The following PHF8 variants were observed in gnomAD, a reference collection of about 807,000 sequenced individuals.
PHF8 encodes the protein PHD finger protein 8.
A neutral mutation model predicts 74.4 loss-of-function variants in PHF8; 9 were observed. That is an observed-to-expected ratio of 0.12 (90% CI 0.07 to 0.21). The LOEUF is 0.21. Among genes scored for constraint, PHF8 ranks in the 10% least tolerant of loss-of-function variants. The pLI, the probability that PHF8 is intolerant of heterozygous loss-of-function variation, is 1.00. For synonymous variants in PHF8, 311 were observed against 316.6 expected, an observed-to-expected ratio of 0.98 and a Z score of 0.19; for missense variants, 478 against 816.6, an observed-to-expected ratio of 0.59 and a Z score of 5.05.
chrX:54,028,484 T>C (rs923035519), intron 2 of PHF8, among the ~76,000 whole-genome samples: 1 of 111,025 alleles, frequency 9.0e-6, no homozygotes, highest in African/African-American at 3.3e-5. Flanking sequence ...TAGGTCCTCT[T>C]ACCTGGGCAC....
chrX:54,029,812 C>T (rs782476683), intron 2 of PHF8, among the ~76,000 whole-genome samples: 4 of 111,921 alleles, frequency 3.6e-5, no homozygotes, highest in African/African-American at 9.7e-5. Flanking sequence ...AAATCCCCAG[C>T]GCACACTCCA....
At chrX:53,965,249 C>CTA (rs1194771994) in intron 18 of PHF8, among the ~76,000 whole-genome samples, 1 of 111,971 alleles carries the variant, frequency 8.9e-6, no homozygotes, top group Non-Finnish European at 1.9e-5. Flanking sequence ...TAATAGGGAG[C>CTA]TAAAATGATC....
chrX:53,978,580 C>T (rs782202105), intron 18 of PHF8, among the ~76,000 whole-genome samples: 103 of 108,823 alleles, frequency 9.5e-4, no homozygotes, highest in African/African-American at 3.3e-3. Flanking sequence ...GGGCGGATCA[C>T]GAGGTCAGGA....
rs1258973770 is a variant in PHF8 at position 53,999,735 on chromosome X, T to C, written c.1233+135A>G. 3.8e-5 allele frequency: 18 copies of C among 468,859 alleles called. No homozygotes were observed. In the African/African-American group the frequency reaches 4.4e-4, roughly 12 times the overall value. The allele number at this position is 468,859 out of a possible 1,213,427, so 38.6% of individuals were successfully genotyped here. ...TTTTAAAATGTAATCAAAGGAATCC[T>C]AGCCCACACCTCCACTCTACACCCA... On this transcript the variant is annotated intron_variant, in intron 11 of 21. Coordinates refer to ENST00000338154, the MANE Select transcript of PHF8 (RefSeq NM_015107.3).
At position 53,957,219 on chromosome X, in the gene PHF8, G is replaced by A. The variant is rs185276122; in HGVS notation, c.2539+5625C>T. Among the ~76,000 whole-genome samples the A allele has an allele frequency of 6.6e-4, 72 of 109,812 alleles. 1 individual carries two copies. The highest frequency in any genetic ancestry group is 6.3e-3 in the Admixed American group (64 of 10,230). ...AAAAAAAAAAAAATTAGCTGGGTGC[G>A]GTGGTGCGTGCCTGTAGTCCCAGCT... is the stretch of plus-strand genomic sequence containing the variant. On this transcript the variant is annotated intron_variant, in intron 19 of 21. Coordinates refer to ENST00000338154, the MANE Select transcript of PHF8 (RefSeq NM_015107.3).
intron 19 of PHF8, among the ~76,000 whole-genome samples, chrX:53,958,503 C>T (rs1204283759): frequency 2.8e-5 from 3 of 106,059 alleles, no homozygotes; most frequent in East Asian, 6.1e-4. Flanking sequence ...AACTGATGGC[C>T]GGGCGTAGTG....
At chrX:54,004,025 G>C (rs1466845871) in intron 8 of PHF8, among the ~76,000 whole-genome samples, 1 of 111,881 alleles carries the variant, frequency 8.9e-6, no homozygotes, top group Non-Finnish European at 1.9e-5. Context: ...GTGGCTAGTA[G>C]AATATTATAC....
chrX:54,004,197 C>A (rs1251943245), intron 8 of PHF8, among the ~76,000 whole-genome samples: 11 of 111,421 alleles, frequency 9.9e-5, no homozygotes, highest in Non-Finnish European at 1.7e-4. Flanking sequence ...CAAATTCAAT[C>A]CATCAGTTAC....
intron 19 of PHF8, among the ~76,000 whole-genome samples, chrX:53,949,182 A>C (rs1310771503): frequency 9.0e-6 from 1 of 110,647 alleles, no homozygotes; most frequent in Non-Finnish European, 1.9e-5. Context: ...AAAATACAAA[A>C]AAATTAGCCA....
In PHF8 at chrX:54,009,843, A is replaced by AG. The variant is rs1285339005; in HGVS notation, c.946+1278dup. ...GGGTGACAGAGTGAGACTCTGTCTC[A>AG]GAAAAAAAAAAAAAAAAAAAAAAAA... is the stretch of plus-strand genomic sequence containing the variant. On this transcript the variant is annotated intron_variant, in intron 8 of 21. Coordinates refer to ENST00000338154, the MANE Select transcript of PHF8 (RefSeq NM_015107.3). Among the ~76,000 whole-genome samples the AG allele has an allele frequency of 2.0e-4, 13 of 64,889 alleles. 1 individual carries two copies. The highest frequency in any genetic ancestry group is 9.2e-4 in the African/African-American group (11 of 11,903). 56.3% of individuals were successfully genotyped at this position (64,889 alleles called of 115,157 possible). A position where few individuals can be genotyped will look rare whatever the true frequency, so the allele number is the denominator to read the frequency against.
chrX:53,953,827 T>C (rs2064969890), intron 19 of PHF8, among the ~76,000 whole-genome samples: 1 of 111,305 alleles, frequency 9.0e-6, no homozygotes, highest in Non-Finnish European at 1.9e-5. Context: ...GTTGGCAGAA[T>C]GAATTAAAAA....
intron 8 of PHF8, among the ~76,000 whole-genome samples, chrX:54,008,156 C>G (rs782478711): frequency 1.3e-4 from 14 of 110,147 alleles, no homozygotes; most frequent in Non-Finnish European, 2.7e-4. Flanking sequence ...ATCACGTGGT[C>G]AACAGATTGA....
intron 9 of PHF8, 119 bp from the exon 10 acceptor site, chrX:54,002,380 T>C (rs782395394): frequency 1.8e-6 from 1 of 570,505 alleles, no homozygotes; most frequent in Non-Finnish European, 3.1e-6. Flanking sequence ...CTGCAAGATC[T>C]GACTTTACAC....
intron 20 of PHF8, among the ~76,000 whole-genome samples, chrX:53,943,906 C>G (rs2149772493): frequency 8.9e-6 from 1 of 112,017 alleles, no homozygotes; most frequent in Non-Finnish European, 1.9e-5. Context: ...CTAATATTTT[C>G]TTTCATCCTG....
At chrX:53,958,910 C>T (rs2065059150) in intron 19 of PHF8, among the ~76,000 whole-genome samples, 1 of 108,837 alleles carries the variant, frequency 9.2e-6, no homozygotes, top group South Asian at 4.0e-4. Flanking sequence ...TCTAAGGTTT[C>T]ATGGTGATCC....
upstream of PHF8, among the ~76,000 whole-genome samples, chrX:54,046,612 A>G (rs1557117550): frequency 9.1e-6 from 1 of 110,001 alleles, no homozygotes; most frequent in Admixed American, 9.8e-5. Flanking sequence ...TATGAATACA[A>G]AATTAGGTTC....
chrX:54,039,343 GCAAGAGCAGCCACCCC>G (rs1292982155), intron 2 of PHF8, among the ~76,000 whole-genome samples: 4 of 111,525 alleles, frequency 3.6e-5, no homozygotes, highest in Non-Finnish European at 7.5e-5. Context: ...CACTGAGTAA[GCAAGAGCAGCCACCCC>G]CAAGGACCTG....
chrX:53,958,320 G>A (rs782272554), intron 19 of PHF8, among the ~76,000 whole-genome samples: 1 of 108,072 alleles, frequency 9.3e-6, no homozygotes, highest in African/African-American at 3.4e-5. Flanking sequence ...GATTACAGGC[G>A]TGAGCCACCG....
At chrX:54,003,264 G>GTT (rs1184878123) in intron 8 of PHF8, among the ~76,000 whole-genome samples, 2 of 111,775 alleles carry the variant, frequency 1.8e-5, no homozygotes, top group African/African-American at 6.5e-5. Context: ...GTCCTTAATA[G>GTT]TTTTTAAGAG....
Sources: gnomAD v4.1 joint callset for allele counts (sites outside exome capture counted in the v4.1 genomes callset) on GRCh38, gnomAD v4.1.1 for gene constraint, MANE v1.5 for transcripts, NCBI Gene and HGNC (gene_info 2026-07-23, HGNC 2026-07-21) for gene names.